The following LIN52 variants were observed in gnomAD, a reference collection of about 807,000 sequenced individuals.
LIN52 encodes lin-52 DREAM MuvB core complex component, also known as protein lin-52 homolog.
LIN52 carries 4 observed loss-of-function variants against 18.5 expected under a neutral mutation model. The ratio of observed to expected loss-of-function variants is 0.22; its 90% confidence interval spans 0.11 to 0.49. The LOEUF (loss-of-function observed/expected upper bound fraction) is 0.49. Among genes scored for constraint, LIN52 ranks in the 20% least tolerant of loss-of-function variants. The pLI, the probability that LIN52 is intolerant of heterozygous loss-of-function variation, is 0.97. For synonymous variants in LIN52, 34 were observed against 45.5 expected (o/e 0.75, Z 1.02); for missense variants, 102 against 139.5 (o/e 0.73, Z 1.35).
intron 5 of LIN52, among the ~76,000 whole-genome samples, chr14:74,166,366 G>A (rs979171141): frequency 6.6e-6 from 1 of 151,332 alleles, no homozygotes; most frequent in African/African-American, 2.4e-5. Context: ...ATAGACATGC[G>A]CCACCACGCT....
chr14:74,101,477 G>A (rs923263026), intron 5 of LIN52, among the ~76,000 whole-genome samples: 1 of 74,166 alleles, frequency 1.3e-5, no homozygotes, highest in African/African-American at 5.4e-5. Context: ...TTTTTTTTTT[G>A]AGACGGAGTC....
At chr14:74,112,462 T>TTGAA (rs1219934002) in intron 5 of LIN52, among the ~76,000 whole-genome samples, 1 of 152,166 alleles carries the variant, frequency 6.6e-6, no homozygotes, top group Non-Finnish European at 1.5e-5. Flanking sequence ...TTCAATAGTT[T>TTGAA]TTATATCTGC....
At chr14:74,092,114 G>T (rs2060776024) in intron 2 of LIN52, among the ~76,000 whole-genome samples, 1 of 151,768 alleles carries the variant, frequency 6.6e-6, no homozygotes, top group Non-Finnish European at 1.5e-5. Context: ...GGGACTACAG[G>T]TGCATGCCAC....
chr14:74,186,950 A>G (rs750917312), intron 5 of LIN52, among the ~76,000 whole-genome samples: 4 of 152,162 alleles, frequency 2.6e-5, no homozygotes, highest in Non-Finnish European at 4.4e-5. Flanking sequence ...GTTATGGCAC[A>G]TGCCTTTAGT....
intron 5 of LIN52, among the ~76,000 whole-genome samples, chr14:74,164,004 C>CA (rs1334538401): frequency 6.8e-6 from 1 of 148,088 alleles, no homozygotes; most frequent in Non-Finnish European, 1.5e-5. Flanking sequence ...TTTTTTGAGA[C>CA]AGAGACTCGT....
chr14:74,163,984 ATT>A (rs35991875), intron 5 of LIN52, among the ~76,000 whole-genome samples: 1 of 146,642 alleles, frequency 6.8e-6, no homozygotes. Flanking sequence ...CTGTACTGAA[ATT>A]TTTTTTTTTT....
At chr14:74,186,311 C>T (rs537398360) in intron 5 of LIN52, among the ~76,000 whole-genome samples, 5 of 151,756 alleles carry the variant, frequency 3.3e-5, no homozygotes, top group Admixed American at 6.6e-5. Flanking sequence ...AACAAACAAA[C>T]AAACAAAAAA....
At chr14:74,195,740 G>T (rs1048935296) in intron 5 of LIN52, among the ~76,000 whole-genome samples, 1 of 152,170 alleles carries the variant, frequency 6.6e-6, no homozygotes, top group African/African-American at 2.4e-5. Context: ...AGCGCAGTTG[G>T]CATCACTAAA....
intron 5 of LIN52, among the ~76,000 whole-genome samples, chr14:74,130,289 T>TGTTTTTTTTTTTTTTTTTTTTTTG (rs1566856590): frequency 2.0e-5 from 2 of 101,838 alleles, no homozygotes; most frequent in African/African-American, 6.7e-5. Flanking sequence ...TTTTTTTTTT[T>TGTTTTTTTTTTTTTTTTTTTTTTG]TTTTTTTGAG....
At chr14:74,088,377 C>T (rs2060749624) in intron 1 of LIN52, among the ~76,000 whole-genome samples, 1 of 152,102 alleles carries the variant, frequency 6.6e-6, no homozygotes, top group Admixed American at 6.6e-5. Flanking sequence ...AGGCGTGAGC[C>T]ACCATGCCCC....
chr14:74,186,429 G>C (rs2061340979), intron 5 of LIN52, among the ~76,000 whole-genome samples: 1 of 152,040 alleles, frequency 6.6e-6, no homozygotes, highest in Admixed American at 6.6e-5. Context: ...TGGGGATACA[G>C]CAAGAGGTTC....
intron 5 of LIN52, among the ~76,000 whole-genome samples, chr14:74,176,499 A>G (rs1051523115): frequency 8.5e-5 from 13 of 152,142 alleles, no homozygotes; most frequent in African/African-American, 2.9e-4. Flanking sequence ...TAATATTGCC[A>G]TCTATCATTA....
rs1360160452 is a variant in LIN52, at chr14:74,089,928, G to A, written c.20-1304G>A. ...GATGGGCAGGTGTAGGAGTCAGGGC[G>A]AGCACTTTTGGGCTCCAGCCCCACG... On this transcript the variant is annotated intron_variant, in intron 1 of 5. Coordinates refer to ENST00000555028, the MANE Select transcript of LIN52 (RefSeq NM_001024674.3). 4.6e-5 allele frequency among the ~76,000 whole-genome samples: 7 copies of A among 152,144 alleles called. No homozygotes were observed. The South Asian group carries it at 6.2e-4, about 14-fold the overall frequency.
At chr14:74,097,654 T>G in intron 3 of LIN52, 140 bp from the exon 4 acceptor site, 1 of 572,196 alleles carries the variant, frequency 1.7e-6, no homozygotes. Flanking sequence ...CAGGCGGGTC[T>G]CGAACTCCTG....
chr14:74,098,823 C>T (rs1046662663), intron 4 of LIN52, among the ~76,000 whole-genome samples: 1 of 152,212 alleles, frequency 6.6e-6, no homozygotes, highest in African/African-American at 2.4e-5. Flanking sequence ...GCTGGGATTA[C>T]AGGCGTGAGC....
At chr14:74,130,279 T>TTTTTTTTTTGTTTTTTTTTTTG (rs1555382576) in intron 5 of LIN52, among the ~76,000 whole-genome samples, 3 of 58,666 alleles carry the variant, frequency 5.1e-5, no homozygotes, top group Admixed American at 2.4e-4. Context: ...CATTTTTTGG[T>TTTTTTTTTTGTTTTTTTTTTTG]TTTTTTTTTT....
chr14:74,096,083 G>T (rs998767610), intron 3 of LIN52, 98 bp downstream of exon 3: 13 of 827,648 alleles, frequency 1.6e-5, no homozygotes, highest in East Asian at 2.9e-5. Context: ...TTTATTTATG[G>T]CAGAGTCTCA....
rs147369411 is a variant in LIN52, at chr14:74,187,447, C to A, written c.284-11475C>A. Among the ~76,000 whole-genome samples, 521 of 152,118 alleles carry A rather than the reference C, an allele frequency of 3.4e-3. 7 individuals carry two copies. Among genetic ancestry groups the A allele is most frequent in the South Asian group, 0.03 (143 of 4,824 alleles). On this transcript the variant is annotated intron_variant, in intron 5 of 5. Coordinates refer to ENST00000555028, the MANE Select transcript of LIN52 (RefSeq NM_001024674.3). ...GTTTATCACTGGATTATTACACATTCAAAATATATATGCTTGCTTTATTTT... is the reference window on the plus strand; with the variant it reads ...GTTTATCACTGGATTATTACACATTAAAAATATATATGCTTGCTTTATTTT...
At chr14:74,135,155 C>T (rs1046427060) in intron 5 of LIN52, among the ~76,000 whole-genome samples, 52 of 152,150 alleles carry the variant, frequency 3.4e-4, no homozygotes, top group African/African-American at 1.2e-3. Context: ...ATCTCCGCTT[C>T]CCGGGTTCAA....
Sources: allele counts gnomAD v4.1 joint callset (sites outside exome capture counted in the v4.1 genomes callset), GRCh38; gene constraint gnomAD v4.1.1; transcripts MANE v1.5; gene names NCBI Gene and HGNC (gene_info 2026-07-23, HGNC 2026-07-21).